ELFN2: variants seen among roughly 807,000 people sequenced by gnomAD.
ELFN2 encodes the protein protein phosphatase 1 regulatory subunit 29.
A neutral mutation model predicts 45.5 loss-of-function variants in ELFN2; 17 were observed. The observed-to-expected ratio is 0.37, with a 90% confidence interval of 0.26 to 0.56. ELFN2 has a LOEUF of 0.56. ELFN2 is among the 20% of genes least tolerant of loss of function. ELFN2 has a pLI of 0.77. For synonymous variants in ELFN2, 550 were observed against 551.5 expected, an observed-to-expected ratio of 1.00 and a Z score of 0.04; for missense variants, 922 against 1,183.2, an observed-to-expected ratio of 0.78 and a Z score of 3.24.
intron 2 of ELFN2, among the ~76,000 whole-genome samples, chr22:37,411,930 C>G (rs1932658120): frequency 6.6e-6 from 1 of 152,036 alleles, no homozygotes; most frequent in Non-Finnish European, 1.5e-5. Context: ...TCCTGCAGCC[C>G]CTGCCCCAAT....
chr22:37,413,814 G>A (rs543262056), intron 2 of ELFN2, among the ~76,000 whole-genome samples: 31 of 152,320 alleles, frequency 2.0e-4, no homozygotes, highest in East Asian at 5.8e-4. Flanking sequence ...AAAGCTGTTC[G>A]TTATGGCACA....
chr22:37,408,782 G>A (rs1009737184), intron 2 of ELFN2, among the ~76,000 whole-genome samples: 2 of 152,162 alleles, frequency 1.3e-5, no homozygotes, highest in African/African-American at 4.8e-5. Flanking sequence ...TAACCTCTCT[G>A]TTCCTCAGTT....
intron 2 of ELFN2, among the ~76,000 whole-genome samples, chr22:37,377,773 A>T (rs1931623752): frequency 6.6e-6 from 1 of 152,236 alleles, no homozygotes; most frequent in Non-Finnish European, 1.5e-5. Context: ...CAAGGCAGCC[A>T]GGCAGGAAGG....
intron 2 of ELFN2, among the ~76,000 whole-genome samples, chr22:37,395,193 A>G (rs1485219516): frequency 1.3e-5 from 2 of 152,146 alleles, no homozygotes; most frequent in Non-Finnish European, 2.9e-5. Flanking sequence ...GAGGCTCAGA[A>G]AGACAAAGTG....
intron 1 of ELFN2, among the ~76,000 whole-genome samples, chr22:37,344,727 G>A (rs776814165): frequency 1.4e-4 from 22 of 152,220 alleles, no homozygotes; most frequent in African/African-American, 4.6e-4. Flanking sequence ...TGACCTCTGC[G>A]GTCCTCGAAG....
intron 2 of ELFN2, among the ~76,000 whole-genome samples, chr22:37,401,140 C>A (rs1232216641): frequency 6.6e-6 from 1 of 152,216 alleles, no homozygotes; most frequent in South Asian, 2.1e-4. Flanking sequence ...GCTGCCTGGT[C>A]TTCCAGAGGA....
chr22:37,402,110 A>G (rs1211668691), intron 2 of ELFN2, among the ~76,000 whole-genome samples: 1 of 152,192 alleles, frequency 6.6e-6, no homozygotes, highest in Non-Finnish European at 1.5e-5. Context: ...CAGTAGCTGC[A>G]CCCTGCCTGC....
intron 2 of ELFN2, among the ~76,000 whole-genome samples, chr22:37,395,079 T>C (rs1215286481): frequency 6.6e-6 from 1 of 151,680 alleles, no homozygotes; most frequent in East Asian, 1.9e-4. Context: ...CACTCCAGCC[T>C]GGGTGACAGA....
chr22:37,424,746 T>A, intron 1 of ELFN2, among the ~76,000 whole-genome samples: 1 of 152,146 alleles, frequency 6.6e-6, no homozygotes, highest in South Asian at 2.1e-4. Context: ...TTTACTCATC[T>A]GTCAAATATC....
At chr22:37,399,479 C>T (rs900485710) in intron 2 of ELFN2, among the ~76,000 whole-genome samples, 2 of 151,778 alleles carry the variant, frequency 1.3e-5, no homozygotes, top group Non-Finnish European at 2.9e-5. Context: ...CGGAGACCAC[C>T]GGCCCACCTC....
At chr22:37,425,716 T>A (rs964915738) in intron 1 of ELFN2, among the ~76,000 whole-genome samples, 1 of 152,094 alleles carries the variant, frequency 6.6e-6, no homozygotes, top group Non-Finnish European at 1.5e-5. Context: ...ACCCACACAG[T>A]TGCAGGGCCC....
intron 2 of ELFN2, chr22:37,385,071 C>T (rs1304673109): frequency 6.6e-6 from 1 of 152,280 alleles, no homozygotes; most frequent in Non-Finnish European, 1.5e-5. Flanking sequence ...AGGGCTGTCC[C>T]AAGACAGGGG....
At position 37,374,068 on chromosome 22, in the gene ELFN2, G is replaced by A. The variant is rs61743097; in HGVS notation, c.1467C>T (p.Ala489=). ...TGGCTACCTTGGGTGTGTCCAGCCC[G>A]GCCTCCAACCCCTTGGCGGTGGGCA... ...EKLPTAKGLE[A]GLDTPKVATK... Residue 489 remains alanine, a synonymous_variant, in exon 3 of 3, where the codon GCC becomes GCT. Coordinates refer to ENST00000402918, the MANE Select transcript of ELFN2 (RefSeq NM_052906.5). 1.5e-3 allele frequency: 2,485 copies of A among 1,613,154 alleles called. 29 individuals are homozygous for A. The African/African-American group carries it at 0.029, about 19-fold the overall frequency.
At chr22:37,410,100 T>C (rs1435663460) in intron 2 of ELFN2, among the ~76,000 whole-genome samples, 1 of 152,112 alleles carries the variant, frequency 6.6e-6, no homozygotes, top group African/African-American at 2.4e-5. Flanking sequence ...CACCTGCCCT[T>C]GTGTGCCCAG....
At chr22:37,347,221 C>T (rs916455672) in intron 1 of ELFN2, among the ~76,000 whole-genome samples, 3 of 152,182 alleles carry the variant, frequency 2.0e-5, no homozygotes, top group East Asian at 1.9e-4. Context: ...TCAGGTGATC[C>T]GCCCGCCTCG....
intron 2 of ELFN2, among the ~76,000 whole-genome samples, chr22:37,401,125 G>C (rs1355537502): frequency 6.6e-6 from 1 of 152,198 alleles, no homozygotes; most frequent in Non-Finnish European, 1.5e-5. Flanking sequence ...CCTAGGCCAG[G>C]TGGGGCTGCC....
chr22:37,409,539 A>G (rs1475699340), intron 2 of ELFN2, among the ~76,000 whole-genome samples: 6 of 152,242 alleles, frequency 3.9e-5, no homozygotes, highest in African/African-American at 1.2e-4. Flanking sequence ...CTCAGCCAAC[A>G]GCGAGAGGAG....
At chr22:37,403,601 G>A (rs1023771545) in intron 2 of ELFN2, among the ~76,000 whole-genome samples, 5 of 152,306 alleles carry the variant, frequency 3.3e-5, no homozygotes, top group African/African-American at 1.2e-4. Flanking sequence ...CGGCCTCGGG[G>A]TCTAGCGAGG....
intron 2 of ELFN2, among the ~76,000 whole-genome samples, chr22:37,414,003 C>T (rs1001001965): frequency 6.6e-6 from 1 of 152,212 alleles, no homozygotes; most frequent in Non-Finnish European, 1.5e-5. Flanking sequence ...GCACCTTACC[C>T]GGCCTCCCTG....
Sources: gnomAD v4.1 joint callset for allele counts (sites outside exome capture counted in the v4.1 genomes callset) on GRCh38, gnomAD v4.1.1 for gene constraint, MANE v1.5 for transcripts, NCBI Gene and HGNC (gene_info 2026-07-23, HGNC 2026-07-21) for gene names.